Variants in CDH13 observed in about 807,000 individuals in gnomAD.
CDH13 encodes cadherin-13.
CDH13 carries 24 observed loss-of-function variants against 63.8 expected under a neutral mutation model. The ratio of observed to expected loss-of-function variants is 0.38; its 90% CI spans 0.27 to 0.53. The LOEUF is 0.53. CDH13 is among the 20% of genes least tolerant of loss of function. The pLI is 0.85. For synonymous variants in CDH13, 503 were observed against 355.3 expected (o/e 1.42, Z -4.67); for missense variants, 1,049 against 903.1 (o/e 1.16, Z -2.07).
intron 7 of CDH13, among the ~76,000 whole-genome samples, chr16:83,543,646 C>T (rs556278253): frequency 7.2e-5 from 11 of 152,156 alleles, no homozygotes; most frequent in East Asian, 1.9e-4. Flanking sequence ...TTGTGCTCCT[C>T]AGGGGACAGA....
chr16:82,947,076 C>G (rs968651950), intron 2 of CDH13, among the ~76,000 whole-genome samples: 5 of 150,862 alleles, frequency 3.3e-5, no homozygotes, highest in African/African-American at 1.2e-4. Flanking sequence ...AAGGCTATCT[C>G]CCTTCCTTAT....
chr16:83,470,115 G>A (rs2073417446), intron 6 of CDH13, among the ~76,000 whole-genome samples: 1 of 152,158 alleles, frequency 6.6e-6, no homozygotes, highest in Non-Finnish European at 1.5e-5. Flanking sequence ...CAAAGCCCCT[G>A]CACACACATA....
chr16:83,099,138 A>G (rs2034349296), intron 3 of CDH13, among the ~76,000 whole-genome samples: 1 of 152,184 alleles, frequency 6.6e-6, no homozygotes, highest in Non-Finnish European at 1.5e-5. Context: ...CTTCTAAGAT[A>G]TATAAGATCC....
intron 7 of CDH13, among the ~76,000 whole-genome samples, chr16:83,579,515 GATCTC>G (rs1009355030): frequency 6.6e-6 from 1 of 151,896 alleles, no homozygotes; most frequent in African/African-American, 2.4e-5. Context: ...TAAACAACCA[GATCTC>G]ACAAGAACTC....
At chr16:83,645,210 C>T (rs1911677453) in intron 8 of CDH13, among the ~76,000 whole-genome samples, 1 of 152,158 alleles carries the variant, frequency 6.6e-6, no homozygotes, top group Non-Finnish European at 1.5e-5. Context: ...AAATACTATG[C>T]AGCCATAAAA....
intron 2 of CDH13, among the ~76,000 whole-genome samples, chr16:82,926,555 G>A (rs1043004932): frequency 2.0e-5 from 3 of 152,122 alleles, no homozygotes; most frequent in South Asian, 2.1e-4. Context: ...GAGCTTGATG[G>A]CATTTTAGGC....
chr16:82,947,108 A>T (rs1352699959), intron 2 of CDH13, among the ~76,000 whole-genome samples: 1 of 150,996 alleles, frequency 6.6e-6, no homozygotes, highest in Non-Finnish European at 1.5e-5. Context: ...ATTACTGTCA[A>T]TGCTAGCTAG....
At chr16:82,732,112 T>C (rs2033435057) in intron 1 of CDH13, among the ~76,000 whole-genome samples, 2 of 152,182 alleles carry the variant, frequency 1.3e-5, no homozygotes, top group South Asian at 2.1e-4. Flanking sequence ...GACTTAATTA[T>C]AGTTAAATGA....
intron 7 of CDH13, among the ~76,000 whole-genome samples, chr16:83,538,894 T>A (rs546620981): frequency 6.6e-6 from 1 of 152,336 alleles, no homozygotes; most frequent in Non-Finnish European, 1.5e-5. Context: ...TGTTAGATAA[T>A]GCTTAGTCAT....
At chr16:83,287,800 G>C (rs947747067) in intron 5 of CDH13, among the ~76,000 whole-genome samples, 1 of 152,216 alleles carries the variant, frequency 6.6e-6, no homozygotes, top group East Asian at 1.9e-4. Context: ...GTCTTCCATG[G>C]AACCAGTCCC....
chr16:83,773,340 A>T (rs1361511405), intron 11 of CDH13, among the ~76,000 whole-genome samples: 1 of 152,206 alleles, frequency 6.6e-6, no homozygotes, highest in East Asian at 1.9e-4. Flanking sequence ...GATACTGGGT[A>T]ATTTATAAAG....
At chr16:82,940,880 T>A (rs1485294689) in intron 2 of CDH13, among the ~76,000 whole-genome samples, 1 of 152,182 alleles carries the variant, frequency 6.6e-6, no homozygotes, top group Non-Finnish European at 1.5e-5. Flanking sequence ...GGGAAACATT[T>A]ATTCAGATAA....
chr16:83,375,265 G>A (rs1367070610), intron 6 of CDH13, among the ~76,000 whole-genome samples: 1 of 152,174 alleles, frequency 6.6e-6, no homozygotes, highest in East Asian at 1.9e-4. Context: ...TCTTAATTAA[G>A]GAACAAATTG....
In CDH13 at chr16:83,389,089, G is replaced by A. The variant is rs117776456; in HGVS notation, c.781+44083G>A. ...TGTGCCCCAGTGATTCTAAGACAAT[G>A]GTCAATTAAAAAGACTTGGCTTGAA... On this transcript the variant is annotated intron_variant, in intron 6 of 13. Transcript: ENST00000567109. Among the ~76,000 whole-genome samples the A allele has an allele frequency of 3.9e-5, 6 of 152,228 alleles. No homozygotes were observed. In the East Asian group the frequency reaches 1.2e-3, roughly 29 times the overall value.
chr16:83,026,492 GT>G (rs1915814090), intron 2 of CDH13, among the ~76,000 whole-genome samples: 1 of 150,372 alleles, frequency 6.7e-6, no homozygotes, highest in South Asian at 2.1e-4. Context: ...AGGTTCGAGG[GT>G]GGGGGGACAA....
At chr16:83,041,229 C>A (rs1166778464) in intron 3 of CDH13, among the ~76,000 whole-genome samples, 1 of 151,988 alleles carries the variant, frequency 6.6e-6, no homozygotes, top group Non-Finnish European at 1.5e-5. Context: ...TTTGTCATTA[C>A]AAGAATTTCT....
chr16:83,337,621 A>ATTTTTTTTTTTTTTTT (rs66957563), intron 5 of CDH13, among the ~76,000 whole-genome samples: 1 of 52,246 alleles, frequency 1.9e-5, no homozygotes, highest in Non-Finnish European at 3.2e-5. Context: ...TGACAAGCGT[A>ATTTTTTTTTTTTTTTT]TTTTTTTTTT....
At chr16:83,111,257 A>T (rs2035043965) in intron 3 of CDH13, among the ~76,000 whole-genome samples, 1 of 152,182 alleles carries the variant, frequency 6.6e-6, no homozygotes, top group Non-Finnish European at 1.5e-5. Context: ...GAGTAAAAAA[A>T]ATCCCTAATT....
intron 6 of CDH13, among the ~76,000 whole-genome samples, 192 bp from the exon 7 acceptor site, chr16:83,486,285 T>C (rs1364538616): frequency 1.3e-5 from 2 of 152,234 alleles, no homozygotes; most frequent in Non-Finnish European, 2.9e-5. Flanking sequence ...TCAGGTCTTT[T>C]CATGGAATGA....
Sources: allele counts gnomAD v4.1 joint callset (sites outside exome capture counted in the v4.1 genomes callset), GRCh38; gene constraint gnomAD v4.1.1; transcripts MANE v1.5; gene names NCBI Gene and HGNC (gene_info 2026-07-23, HGNC 2026-07-21).